EIPR1: variants seen among roughly 807,000 people sequenced by gnomAD.
EIPR1 encodes the protein EARP and GARP complex-interacting protein 1.
Under a neutral mutation model 48.1 loss-of-function variants are expected in EIPR1, and 25 were observed. That is an observed-to-expected ratio of 0.52 (90% CI 0.38 to 0.73). The LOEUF (loss-of-function observed/expected upper bound fraction) is 0.73, where lower values mean the gene tolerates loss of function less well. Among genes scored for constraint, EIPR1 ranks in the 30% least tolerant of loss-of-function variants. EIPR1 has a pLI of 0.00. For synonymous variants in EIPR1, 204 were observed against 201.9 expected, an observed-to-expected ratio of 1.01 and a Z score of -0.09; for missense variants, 415 against 506.2, an observed-to-expected ratio of 0.82 and a Z score of 1.73.
Position 3,283,507 on chromosome 2 carries a change from C to T in EIPR1, c.260-26052G>A, listed in dbSNP as rs367799888. On this transcript the variant is annotated intron_variant, in intron 3 of 8. Transcript: ENST00000382125. Reference sequence around the variant, plus strand: ...GTGGCACAAGAGGACTGAGAAGGAGCTCACGCCCAGAAGTGATGCACCACG... The same window carrying T: ...GTGGCACAAGAGGACTGAGAAGGAGTTCACGCCCAGAAGTGATGCACCACG... Among the ~76,000 whole-genome samples, 12 of 151,748 alleles carry T rather than the reference C, an allele frequency of 7.9e-5. No homozygotes were observed. In the South Asian group the frequency reaches 8.3e-4, roughly 11 times the overall value.
At position 3,337,872 on chromosome 2, in the gene EIPR1, T is replaced by C. The variant is rs116732491; in HGVS notation, c.259+145A>G. ...TTTCTGCAAACATCTACTCACAATATCATGGCTTCTCTGTGCATGCAACAC... is the reference window on the plus strand; with the variant it reads ...TTTCTGCAAACATCTACTCACAATACCATGGCTTCTCTGTGCATGCAACAC... On this transcript the variant is annotated intron_variant, in intron 3 of 8. Transcript: ENST00000382125. The C allele has an allele frequency of 7.9e-3, 6,466 of 815,488 alleles. 305 individuals are homozygous for C. In the African/African-American group the frequency reaches 0.1, roughly 13 times the overall value. The allele number at this position is 815,488 out of a possible 1,614,324, so 50.5% of individuals were successfully genotyped here. A position where few individuals can be genotyped will look rare whatever the true frequency, so the allele number is the denominator to read the frequency against.
Position 3,277,738 on chromosome 2 carries a change from C to T in EIPR1, c.260-20283G>A, listed in dbSNP as rs146960094. ...CCTGCAGTCGGCCGTATCTCAGCCC[C>T]TACCCTCCATTTACTTGTTGCGCAG... On this transcript the variant is annotated intron_variant, in intron 3 of 8. Coordinates refer to ENST00000382125, the MANE Select transcript of EIPR1 (RefSeq NM_003310.5). Among the ~76,000 whole-genome samples, 34 of 152,362 alleles carry T rather than the reference C, an allele frequency of 2.2e-4. 1 individual carries two copies. The East Asian group carries it at 6.4e-3, about 29-fold the overall frequency.
Position 3,354,549 on chromosome 2 carries a change from C to A in EIPR1, c.126+1G>T. 6.2e-7 allele frequency: 1 copy of A among 1,613,522 alleles called. No homozygotes were observed. The highest frequency in any genetic ancestry group is 8.5e-7 in the Non-Finnish European group (1 of 1,179,604). On this transcript the variant is annotated splice_donor_variant, in intron 2 of 8. Coordinates refer to ENST00000382125, the MANE Select transcript of EIPR1 (RefSeq NM_003310.5). LOFTEE classifies it high-confidence loss of function. ...TGTATACATTTGTCAAAAATAGTTA[C>A]CTGATTATCATATTTAAGAGACTGC...
intron 6 of EIPR1, 54 bp downstream of exon 6, chr2:3,196,827 C>T: frequency 6.3e-7 from 1 of 1,599,142 alleles, no homozygotes; most frequent in Non-Finnish European, 8.5e-7. Context: ...CATCCCGGTT[C>T]TGCTCGGTGA....
chr2:3,221,992 T>A (rs1665909703), intron 4 of EIPR1, among the ~76,000 whole-genome samples: 2 of 150,220 alleles, frequency 1.3e-5, no homozygotes, highest in African/African-American at 4.9e-5. Context: ...CCCTCGCGGT[T>A]TTTTTTTTGT....
intron 1 of EIPR1, among the ~76,000 whole-genome samples, chr2:3,370,426 G>A (rs547629025): frequency 9.2e-5 from 14 of 152,276 alleles, no homozygotes; most frequent in East Asian, 3.9e-4. Flanking sequence ...GGCTTCAGAC[G>A]ATCAAACTAC....
intron 4 of EIPR1, among the ~76,000 whole-genome samples, chr2:3,215,813 C>T (rs953049715): frequency 6.6e-6 from 1 of 152,234 alleles, no homozygotes; most frequent in African/African-American, 2.4e-5. Context: ...ACATTAACAT[C>T]ATTCAAAACC....
intron 3 of EIPR1, among the ~76,000 whole-genome samples, chr2:3,330,490 C>T (rs1669853305): frequency 7.1e-6 from 1 of 140,858 alleles, no homozygotes; most frequent in African/African-American, 2.5e-5. Context: ...CAGAGGCAGG[C>T]ACACACTCAT....
chr2:3,330,039 T>A (rs375508127), intron 3 of EIPR1, among the ~76,000 whole-genome samples: 9 of 151,950 alleles, frequency 5.9e-5, no homozygotes, highest in African/African-American at 1.9e-4. Flanking sequence ...TCTCTAATGA[T>A]CTTGCGGCAC....
chr2:3,202,468 A>G (rs1246008138), intron 5 of EIPR1, among the ~76,000 whole-genome samples: 1 of 152,266 alleles, frequency 6.6e-6, no homozygotes, highest in Non-Finnish European at 1.5e-5. Context: ...TAACTAATCG[A>G]TACTGTGTTC....
At position 3,366,775 on chromosome 2, in the gene EIPR1, C is replaced by T. The variant is rs60081422; in HGVS notation, c.42+10873G>A. On this transcript the variant is annotated intron_variant, in intron 1 of 8. Transcript: ENST00000382125. Reference sequence around the variant, plus strand: ...TTTTTGTATTAAAATTTTCAACTGGCCGGGCGCGGTGGCTCACGCCTGTAA... The same window carrying T: ...TTTTTGTATTAAAATTTTCAACTGGTCGGGCGCGGTGGCTCACGCCTGTAA... 0.027 allele frequency among the ~76,000 whole-genome samples: 4,148 copies of T among 152,254 alleles called. 532 individuals are homozygous for T. The East Asian group carries it at 0.4, about 15-fold the overall frequency.
chr2:3,262,755 A>C (rs184627780), intron 3 of EIPR1, among the ~76,000 whole-genome samples: 27 of 152,342 alleles, frequency 1.8e-4, no homozygotes, highest in Middle Eastern at 3.4e-3. Context: ...TCTTTTGATA[A>C]ACAGCTCTGA....
chr2:3,244,687 C>T (rs191004210), intron 4 of EIPR1, among the ~76,000 whole-genome samples: 1 of 152,298 alleles, frequency 6.6e-6, no homozygotes, highest in Admixed American at 6.5e-5. Context: ...TCACCAGACA[C>T]CAACTTAGCC....
chr2:3,308,841 A>G (rs1261361424), intron 3 of EIPR1, among the ~76,000 whole-genome samples: 3 of 152,262 alleles, frequency 2.0e-5, no homozygotes, highest in Non-Finnish European at 4.4e-5. Context: ...TATTTTTCAA[A>G]TATTTCCATT....
At chr2:3,356,382 G>A (rs1036664938) in intron 1 of EIPR1, among the ~76,000 whole-genome samples, 1 of 152,222 alleles carries the variant, frequency 6.6e-6, no homozygotes, top group Non-Finnish European at 1.5e-5. Flanking sequence ...CAATAGCTAT[G>A]GTTAATATGT....
chr2:3,225,355 C>T (rs2103156323), intron 4 of EIPR1, among the ~76,000 whole-genome samples: 1 of 152,012 alleles, frequency 6.6e-6, no homozygotes, highest in South Asian at 2.1e-4. Flanking sequence ...AAGCAGTCCT[C>T]CCACCTCAGC....
intron 1 of EIPR1, among the ~76,000 whole-genome samples, chr2:3,361,485 A>C (rs1183280854): frequency 2.0e-5 from 3 of 151,938 alleles, no homozygotes; most frequent in African/African-American, 7.3e-5. Context: ...AAAAAAAAAA[A>C]AACTGTCTTT....
At chr2:3,314,072 C>A (rs149375696) in intron 3 of EIPR1, among the ~76,000 whole-genome samples, 44 of 152,284 alleles carry the variant, frequency 2.9e-4, no homozygotes, top group Non-Finnish European at 5.7e-4. Flanking sequence ...GCAACATCGG[C>A]GGATGCAGAG....
intron 1 of EIPR1, among the ~76,000 whole-genome samples, chr2:3,372,752 A>G (rs1251848203): frequency 6.6e-6 from 1 of 152,112 alleles, no homozygotes; most frequent in African/African-American, 2.4e-5. Context: ...CTTACCAACC[A>G]AAAAGAGTCC....
Sources: gnomAD v4.1 joint callset for allele counts (sites outside exome capture counted in the v4.1 genomes callset) on GRCh38, gnomAD v4.1.1 for gene constraint, MANE v1.5 for transcripts, NCBI Gene and HGNC (gene_info 2026-07-23, HGNC 2026-07-21) for gene names.